The following DAB1 variants were observed in gnomAD, a reference collection of about 807,000 sequenced individuals.
DAB1 encodes DAB adaptor protein 1, also known as disabled homolog 1.
In DAB1, 15 loss-of-function variants were observed where a neutral mutation model predicts 64.6. That is an observed-to-expected ratio of 0.23 (90% CI 0.16 to 0.36). The LOEUF (loss-of-function observed/expected upper bound fraction) is 0.36, where lower values mean the gene tolerates loss of function less well. DAB1 is among the 10% of genes least tolerant of loss of function. The pLI is 1.00. For synonymous variants in DAB1, 235 were observed against 251.9 expected (o/e 0.93, Z 0.64); for missense variants, 596 against 706.7 (o/e 0.84, Z 1.78).
intron 5 of DAB1, among the ~76,000 whole-genome samples, chr1:57,942,727 G>A (rs1284162914): frequency 2.6e-5 from 4 of 152,140 alleles, no homozygotes; most frequent in Non-Finnish European, 4.4e-5. Context: ...GCTGAGCAAC[G>A]AGATGGAAGG....
At chr1:57,272,403 A>G (rs1161719224) in intron 2 of DAB1, among the ~76,000 whole-genome samples, 1 of 152,206 alleles carries the variant, frequency 6.6e-6, no homozygotes, top group Non-Finnish European at 1.5e-5. Flanking sequence ...CCCACTTCTC[A>G]CAAACTTTAG....
At chr1:58,519,247 T>C (rs1220787151) in intron 2 of DAB1, among the ~76,000 whole-genome samples, 2 of 152,200 alleles carry the variant, frequency 1.3e-5, no homozygotes, top group Admixed American at 1.3e-4. Context: ...GTTTTTTATT[T>C]TTGTGGGCAC....
intron 3 of DAB1, among the ~76,000 whole-genome samples, chr1:58,463,257 T>G (rs1645261584): frequency 6.6e-6 from 1 of 152,174 alleles, no homozygotes; most frequent in South Asian, 2.1e-4. Flanking sequence ...AGAGAGCTCC[T>G]GGTGAGAGGA....
intron 7 of DAB1, among the ~76,000 whole-genome samples, chr1:57,526,665 T>C (rs1644597335): frequency 6.6e-6 from 1 of 152,192 alleles, no homozygotes; most frequent in Admixed American, 6.5e-5. Context: ...TACTATTGGA[T>C]AGTGGTAAAT....
At chr1:57,769,047 G>A (rs920430859) in intron 6 of DAB1, among the ~76,000 whole-genome samples, 3 of 152,106 alleles carry the variant, frequency 2.0e-5, no homozygotes, top group African/African-American at 7.2e-5. Context: ...CCCTGTGTCT[G>A]TGGGGCCATT....
intron 6 of DAB1, among the ~76,000 whole-genome samples, chr1:57,701,484 C>T (rs1490394337): frequency 6.6e-6 from 1 of 151,962 alleles, no homozygotes; most frequent in African/African-American, 2.4e-5. Context: ...TGTTCTCACT[C>T]ATAGGTGGGA....
chr1:58,120,368 C>G (rs1214602777), intron 5 of DAB1, among the ~76,000 whole-genome samples: 2 of 152,168 alleles, frequency 1.3e-5, no homozygotes, highest in Admixed American at 6.5e-5. Flanking sequence ...TAGTCATCAT[C>G]TTTCATTACA....
At chr1:57,702,823 T>A (rs1174741232) in intron 6 of DAB1, among the ~76,000 whole-genome samples, 1 of 152,130 alleles carries the variant, frequency 6.6e-6, no homozygotes, top group Admixed American at 6.5e-5. Context: ...AACAGCATGG[T>A]ACTGGTACAA....
intron 5 of DAB1, chr1:58,071,407 G>GTGTGTGTGTGT (rs1491558909): frequency 6.6e-5 from 7 of 106,116 alleles, no homozygotes; most frequent in Non-Finnish European, 1.1e-4. Context: ...TGTGTGTGTG[G>GTGTGTGTGTGT]GTGGGGAGAG....
At chr1:58,140,089 A>C (rs774988541) in intron 5 of DAB1, among the ~76,000 whole-genome samples, 20 of 152,142 alleles carry the variant, frequency 1.3e-4, no homozygotes, top group Non-Finnish European at 2.8e-4. Flanking sequence ...CTTTATCGCA[A>C]ATCCACAAAT....
intron 3 of DAB1, among the ~76,000 whole-genome samples, chr1:58,405,390 T>G (rs181344559): frequency 8.5e-4 from 130 of 152,286 alleles, no homozygotes; most frequent in African/African-American, 2.7e-3. Flanking sequence ...TAATTTTTTT[T>G]TTTGATCTTG....
chr1:58,303,089 A>G (rs929724352), intron 4 of DAB1, among the ~76,000 whole-genome samples: 15 of 152,154 alleles, frequency 9.9e-5, no homozygotes, highest in Non-Finnish European at 1.9e-4. Context: ...GACGCTGGAA[A>G]TTGGAGGCAG....
rs560310927 is a variant in DAB1, at chr1:57,423,054, C to G, written c.-137+876G>C. ...TTCAGACGCCGCGACACGACCTCCC[C>G]CCATCTCGGACTCCCTGCCTCTGGG... On this transcript the variant is annotated intron_variant, in intron 1 of 14. Coordinates refer to ENST00000371236, the MANE Select transcript of DAB1 (RefSeq NM_001365792.1). Among the ~76,000 whole-genome samples, 21 of 151,962 alleles carry G rather than the reference C, an allele frequency of 1.4e-4. No homozygotes were observed. The South Asian group carries it at 4.0e-3, about 29-fold the overall frequency.
chr1:58,029,695 T>C (rs941262862), intron 5 of DAB1, among the ~76,000 whole-genome samples: 1 of 152,158 alleles, frequency 6.6e-6, no homozygotes, highest in African/African-American at 2.4e-5. Flanking sequence ...AATGATCAGA[T>C]GAGGAAAAAT....
intron 4 of DAB1, among the ~76,000 whole-genome samples, chr1:58,164,225 G>T (rs1404094573): frequency 6.9e-6 from 1 of 145,884 alleles, no homozygotes; most frequent in Non-Finnish European, 1.5e-5. Context: ...AGTGATCAAA[G>T]GTCAGAAGAG....
At chr1:58,254,244 T>A (rs1206428260) in intron 4 of DAB1, among the ~76,000 whole-genome samples, 1 of 152,058 alleles carries the variant, frequency 6.6e-6, no homozygotes, top group Non-Finnish European at 1.5e-5. Context: ...ATAGCCAGAG[T>A]TGTTCAGAAA....
At chr1:57,513,537 G>T (rs1298399308) in intron 7 of DAB1, among the ~76,000 whole-genome samples, 2 of 152,226 alleles carry the variant, frequency 1.3e-5, no homozygotes, top group Non-Finnish European at 2.9e-5. Flanking sequence ...AGCTGCATTT[G>T]CTTTTTTGTT....
chr1:57,835,958 G>A (rs1410180637), intron 1 of DAB1, among the ~76,000 whole-genome samples: 6 of 152,104 alleles, frequency 3.9e-5, no homozygotes, highest in Non-Finnish European at 8.8e-5. Flanking sequence ...TCAAAGCCCC[G>A]AGGCAAATGA....
chr1:58,058,967 T>G (rs997314817), intron 5 of DAB1, among the ~76,000 whole-genome samples: 2 of 152,152 alleles, frequency 1.3e-5, no homozygotes, highest in African/African-American at 4.8e-5. Flanking sequence ...CACCTGTACA[T>G]CTGTGGCCAT....
Sources: allele counts gnomAD v4.1 joint callset (sites outside exome capture counted in the v4.1 genomes callset), GRCh38; gene constraint gnomAD v4.1.1; transcripts MANE v1.5; gene names NCBI Gene and HGNC (gene_info 2026-07-23, HGNC 2026-07-21).